The following BTBD9 variants were observed in gnomAD, a reference collection of about 807,000 sequenced individuals.
BTBD9 encodes the protein BTB domain containing 9, also known as BTB/POZ domain-containing protein 9.
A neutral mutation model predicts 64.3 loss-of-function variants in BTBD9; 49 were observed. The ratio of observed to expected loss-of-function variants is 0.76; its 90% confidence interval spans 0.61 to 0.97. The LOEUF (loss-of-function observed/expected upper bound fraction) is 0.97, where lower values mean the gene tolerates loss of function less well. BTBD9 is among the 50% of genes least tolerant of loss of function. The pLI is 0.00. For missense variants in BTBD9, 598 were observed against 762.1 expected (o/e 0.78, Z 2.53); for synonymous variants, 260 against 274.7 (o/e 0.95, Z 0.53).
intron 7 of BTBD9, among the ~76,000 whole-genome samples, chr6:38,315,318 G>A (rs368467081): frequency 1.5e-4 from 23 of 151,802 alleles, no homozygotes; most frequent in African/African-American, 4.8e-4. Flanking sequence ...TTTCTTCTAC[G>A]AACTTTAGAT....
In BTBD9 at chr6:38,544,740, A is replaced by C. The variant is rs187584366; in HGVS notation, c.1154+32860T>G. The stretch of plus-strand genomic sequence containing the variant: ...TCAGGAGTTCGAGACCAGGTTGGCC[A>C]ACGTGGTGAAACCCTGTCTCTACTA... On this transcript the variant is annotated intron_variant, in intron 6 of 10. Transcript: ENST00000481247. 2.8e-3 allele frequency among the ~76,000 whole-genome samples: 432 copies of C among 152,078 alleles called. 5 individuals carry two copies. The highest frequency in any genetic ancestry group is 9.9e-3 in the African/African-American group (413 of 41,516).
intron 1 of BTBD9, among the ~76,000 whole-genome samples, chr6:38,629,701 A>T (rs760610622): frequency 3.9e-5 from 6 of 152,106 alleles, no homozygotes; most frequent in Admixed American, 1.3e-4. Context: ...ATGTGCCTGT[A>T]ATCCCAGCTA....
chr6:38,274,969 A>C (rs1038253785), intron 8 of BTBD9, among the ~76,000 whole-genome samples: 3 of 152,132 alleles, frequency 2.0e-5, no homozygotes, highest in African/African-American at 4.8e-5. Context: ...GCTACCAATG[A>C]CTTTCTTCAC....
intron 6 of BTBD9, among the ~76,000 whole-genome samples, chr6:38,436,575 C>G (rs1398730367): frequency 6.6e-6 from 1 of 151,784 alleles, no homozygotes; most frequent in Non-Finnish European, 1.5e-5. Flanking sequence ...GGAGTTTCAC[C>G]CTGTTGGTCA....
chr6:38,494,537 T>C (rs1284197290), intron 6 of BTBD9, among the ~76,000 whole-genome samples: 1 of 152,276 alleles, frequency 6.6e-6, no homozygotes, highest in East Asian at 1.9e-4. Context: ...AGTAAGATTA[T>C]ACAAATTATG....
At chr6:38,349,519 G>C (rs1240900350) in intron 6 of BTBD9, among the ~76,000 whole-genome samples, 1 of 152,050 alleles carries the variant, frequency 6.6e-6, no homozygotes, top group Non-Finnish European at 1.5e-5. Flanking sequence ...ACTTTTCACA[G>C]TATATTGTTA....
chr6:38,585,938 C>CCACA (rs10660204), intron 4 of BTBD9, among the ~76,000 whole-genome samples: 25,795 of 140,678 alleles, frequency 0.18, 2,330 homozygotes, highest in Middle Eastern at 0.21. Flanking sequence ...ACAGGACAGA[C>CCACA]CACACACACA....
intron 6 of BTBD9, among the ~76,000 whole-genome samples, chr6:38,403,674 C>G (rs988628256): frequency 2.0e-5 from 3 of 152,230 alleles, no homozygotes; most frequent in African/African-American, 7.2e-5. Flanking sequence ...TCTGGCAGAT[C>G]GTCAAAAAGT....
Position 38,393,197 on chromosome 6 carries a change from A to C in BTBD9, c.1155-48104T>G, listed in dbSNP as rs188897101. Reference sequence around the variant, plus strand: ...GCGTGAGCCACTATGACCAGCCAAGACAATGATTTTTAATGGGAATAAAAA... The same window carrying C: ...GCGTGAGCCACTATGACCAGCCAAGCCAATGATTTTTAATGGGAATAAAAA... On this transcript the variant is annotated intron_variant, in intron 6 of 10. Transcript: ENST00000481247. Among the ~76,000 whole-genome samples the C allele has an allele frequency of 1.3e-4, 20 of 152,290 alleles. 1 individual carries two copies. In the South Asian group the frequency reaches 3.9e-3, roughly 30 times the overall value.
chr6:38,208,425 T>C (rs1056446842), intron 9 of BTBD9, among the ~76,000 whole-genome samples: 2 of 152,176 alleles, frequency 1.3e-5, no homozygotes, highest in African/African-American at 4.8e-5. Context: ...AGATGATCTA[T>C]GGACTGGGGA....
rs1426344833 is a variant in BTBD9 at position 38,385,740 on chromosome 6, C to T, written c.1155-40647G>A. On this transcript the variant is annotated intron_variant, in intron 6 of 10. Transcript: ENST00000481247. ...ATTATATGTTTTTTGAATCAACATGCCTACAAAAATTTTTTAAAAACAAGC... is the reference window on the plus strand; with the variant it reads ...ATTATATGTTTTTTGAATCAACATGTCTACAAAAATTTTTTAAAAACAAGC... Among the ~76,000 whole-genome samples the T allele has an allele frequency of 3.3e-5, 5 of 151,362 alleles. No individual in the cohort carries two copies. The East Asian group carries it at 5.8e-4, about 18-fold the overall frequency.
At chr6:38,200,199 C>G (rs1464559138) in intron 9 of BTBD9, among the ~76,000 whole-genome samples, 1 of 152,246 alleles carries the variant, frequency 6.6e-6, no homozygotes, top group East Asian at 1.9e-4. Flanking sequence ...GAAGGTGGCA[C>G]TGCCCTCTCC....
At chr6:38,513,476 G>A (rs947689070) in intron 6 of BTBD9, among the ~76,000 whole-genome samples, 1 of 151,378 alleles carries the variant, frequency 6.6e-6, no homozygotes, top group Admixed American at 6.6e-5. Context: ...AAAAAGAAGT[G>A]CTCCACCTTG....
intron 6 of BTBD9, among the ~76,000 whole-genome samples, chr6:38,355,713 T>C (rs766341495): frequency 1.3e-4 from 20 of 152,200 alleles, no homozygotes; most frequent in Non-Finnish European, 2.4e-4. Flanking sequence ...CTGGTTTCAC[T>C]ATGAAGCAAG....
chr6:38,577,748 A>T (rs908167714), intron 5 of BTBD9, 29 bp from the exon 6 acceptor site: 7 of 1,587,230 alleles, frequency 4.4e-6, no homozygotes, highest in Middle Eastern at 1.7e-4. Flanking sequence ...AAGCAGAAAA[A>T]AATTACCACA....
At chr6:38,518,000 C>T (rs1773113578) in intron 6 of BTBD9, among the ~76,000 whole-genome samples, 1 of 152,038 alleles carries the variant, frequency 6.6e-6, no homozygotes, top group South Asian at 2.1e-4. Flanking sequence ...CATTAAAACG[C>T]ACATTTTCAA....
At chr6:38,228,961 G>C (rs1383151259) in intron 9 of BTBD9, among the ~76,000 whole-genome samples, 2 of 152,166 alleles carry the variant, frequency 1.3e-5, no homozygotes, top group Non-Finnish European at 2.9e-5. Flanking sequence ...CACTTTGGGA[G>C]GCTGAGGTGG....
chr6:38,606,093 T>C (rs1777422980), intron 1 of BTBD9, among the ~76,000 whole-genome samples: 1 of 152,212 alleles, frequency 6.6e-6, no homozygotes, highest in Non-Finnish European at 1.5e-5. Context: ...CTTCAGCTTT[T>C]GGACTCTTGA....
chr6:38,357,740 T>C (rs911813777), intron 6 of BTBD9, among the ~76,000 whole-genome samples: 1 of 152,156 alleles, frequency 6.6e-6, no homozygotes, highest in Non-Finnish European at 1.5e-5. Flanking sequence ...ACCATTTCTC[T>C]TCATTTCCTT....
Sources: allele counts gnomAD v4.1 joint callset (sites outside exome capture counted in the v4.1 genomes callset), GRCh38; gene constraint gnomAD v4.1.1; transcripts MANE v1.5; gene names NCBI Gene and HGNC (gene_info 2026-07-23, HGNC 2026-07-21).